Variants in SLC45A4 observed in about 807,000 individuals in gnomAD.
SLC45A4 encodes the protein polyamine-transporter SLC45A4.
In SLC45A4, 32 loss-of-function variants were observed where a neutral mutation model predicts 63.7. The ratio of observed to expected loss-of-function variants is 0.50; its 90% confidence interval spans 0.38 to 0.67. The LOEUF is 0.67. SLC45A4 is among the 30% of genes least tolerant of loss of function. The pLI, the probability that SLC45A4 is intolerant of heterozygous loss-of-function variation, is 0.00. For synonymous variants in SLC45A4, 535 were observed against 510.0 expected (o/e 1.05, Z -0.66); for missense variants, 1,027 against 1,157.7 (o/e 0.89, Z 1.64).
chr8:141,232,329 C>T (rs554582091), intron 2 of SLC45A4, among the ~76,000 whole-genome samples: 1 of 152,374 alleles, frequency 6.6e-6, no homozygotes, highest in East Asian at 1.9e-4. Context: ...ATGTCCCCTT[C>T]AGCTATAAGC....
intron 7 of SLC45A4, among the ~76,000 whole-genome samples, chr8:141,214,364 G>A (rs1047564968): frequency 6.6e-5 from 10 of 152,262 alleles, no homozygotes; most frequent in African/African-American, 2.2e-4. Flanking sequence ...AGAAAACGGA[G>A]CTCATTAGAC....
rs146180764 is a variant in SLC45A4 at position 141,209,270 on chromosome 8, C to T, written c.*2302G>A. The T allele has an allele frequency of 4.1e-3, 618 of 152,558 alleles. 6 individuals carry two copies. The South Asian group carries it at 0.044, about 11-fold the overall frequency. 9.5% of individuals were successfully genotyped at this position (152,558 alleles called of 1,614,324 possible). A position where few individuals can be genotyped will look rare whatever the true frequency, so the allele number is the denominator to read the frequency against. On this transcript the variant is annotated 3_prime_UTR_variant, in exon 9 of 9. Transcript: ENST00000517878. Reference sequence around the variant, plus strand: ...CCCACACAAGCTGCGGGCGCAATGGCGCTTTGCAGACAAGACAGCCTGCCC... The same window carrying T: ...CCCACACAAGCTGCGGGCGCAATGGTGCTTTGCAGACAAGACAGCCTGCCC...
intron 1 of SLC45A4, among the ~76,000 whole-genome samples, chr8:141,272,422 GC>G (rs1829575848): frequency 6.6e-6 from 1 of 152,174 alleles, no homozygotes; most frequent in South Asian, 2.1e-4. Flanking sequence ...CCACATCTGT[GC>G]CAGTGCATCT....
rs1367684709 is a variant in SLC45A4, at chr8:141,208,642, T to TG, written c.*2929dup. 1 of 152,224 alleles carries TG rather than the reference T, an allele frequency of 6.6e-6. No homozygotes were observed. The highest frequency in any genetic ancestry group is 6.5e-5 in the Admixed American group (1 of 15,284). The allele number at this position is 152,224 out of a possible 1,614,324, so 9.4% of individuals were successfully genotyped here. A position where few individuals can be genotyped will look rare whatever the true frequency, so the allele number is the denominator to read the frequency against. ...GTTGGAGGATTCCAGCTAAGGCCCC[T>TG]GCCTGAGAGTGAGAAAAACAACACT... is the stretch of plus-strand genomic sequence containing the variant. On this transcript the variant is annotated 3_prime_UTR_variant, in exon 9 of 9. Transcript: ENST00000517878.
At chr8:141,290,339 C>A (rs1830303318) in intron 1 of SLC45A4, among the ~76,000 whole-genome samples, 1 of 152,070 alleles carries the variant, frequency 6.6e-6, no homozygotes, top group Non-Finnish European at 1.5e-5. Flanking sequence ...CCCGGCCCTC[C>A]CACTCAGGCT....
intron 1 of SLC45A4, among the ~76,000 whole-genome samples, chr8:141,266,750 C>G (rs1829283568): frequency 6.6e-6 from 1 of 152,166 alleles, no homozygotes; most frequent in African/African-American, 2.4e-5. Context: ...AGTTCCTCCC[C>G]ACATGTATTC....
chr8:141,211,591 G>T lies in SLC45A4; in HGVS notation c.2408C>A (p.Ser803Tyr). Reference sequence around the variant, plus strand: ...ATTCTTCTAAGAGAACCACATTGTGGAAAAGAAAATTTTTTTTCTAAAATA... The same window carrying T: ...ATTCTTCTAAGAGAACCACATTGTGTAAAAGAAAATTTTTTTTCTAAAATA... Reference protein sequence around the residue: ...YDYFRKKIFFSTMWFS With the variant: ...YDYFRKKIFFYTMWFS Residue 803 changes from serine to tyrosine, a missense_variant, in exon 9 of 9, where the codon TCC becomes TAC. Coordinates refer to ENST00000517878, the MANE Select transcript of SLC45A4 (RefSeq NM_001286646.2). The T allele has an allele frequency of 6.2e-7, 1 of 1,612,630 alleles. No individual in the cohort carries two copies. Among genetic ancestry groups the T allele is most frequent in the Non-Finnish European group, 8.5e-7 (1 of 1,179,828 alleles).
chr8:141,248,727 C>A (rs1213407236), intron 2 of SLC45A4, among the ~76,000 whole-genome samples: 1 of 151,900 alleles, frequency 6.6e-6, no homozygotes, highest in African/African-American at 2.4e-5. Flanking sequence ...TATAAAAAAA[C>A]AAAACAGGCT....
intron 1 of SLC45A4, among the ~76,000 whole-genome samples, chr8:141,261,785 A>G (rs1829047469): frequency 6.6e-6 from 1 of 152,242 alleles, no homozygotes; most frequent in South Asian, 2.1e-4. Context: ...TATCATGAAA[A>G]TGGCCACACT....
chr8:141,212,558 T>C lies in SLC45A4; in HGVS notation c.1942-2A>G. 1.3e-6 allele frequency: 2 copies of C among 1,593,786 alleles called. No homozygotes were observed. The highest frequency in any genetic ancestry group is 8.6e-7 in the Non-Finnish European group (1 of 1,168,122). Reference sequence around the variant, plus strand: ...GTTCCCGGGGCTGTGGTGGATGTACTGCAAGAGAGGAAACACGAGGCGGTG... The same window carrying C: ...GTTCCCGGGGCTGTGGTGGATGTACCGCAAGAGAGGAAACACGAGGCGGTG... On this transcript the variant is annotated splice_acceptor_variant, in intron 7 of 8. Coordinates refer to ENST00000517878, the MANE Select transcript of SLC45A4 (RefSeq NM_001286646.2). LOFTEE classifies it high-confidence loss of function.
intron 2 of SLC45A4, among the ~76,000 whole-genome samples, chr8:141,244,115 C>T (rs935431242): frequency 5.9e-5 from 9 of 152,150 alleles, no homozygotes; most frequent in South Asian, 2.1e-4. Context: ...TGGGAGACTG[C>T]GCCCCTATTC....
intron 1 of SLC45A4, among the ~76,000 whole-genome samples, chr8:141,288,489 C>A (rs1412660599): frequency 6.6e-6 from 1 of 152,252 alleles, no homozygotes; most frequent in Non-Finnish European, 1.5e-5. Flanking sequence ...GGGGACCACG[C>A]CTGGTTGGAC....
chr8:141,283,543 T>C (rs1830036572), intron 1 of SLC45A4, among the ~76,000 whole-genome samples: 1 of 152,174 alleles, frequency 6.6e-6, no homozygotes, highest in African/African-American at 2.4e-5. Flanking sequence ...TCAACATCGG[T>C]GTCACCCCCG....
At chr8:141,258,059 CCTTTTT>C (rs1294386808) in intron 1 of SLC45A4, among the ~76,000 whole-genome samples, 2 of 114,734 alleles carry the variant, frequency 1.7e-5, no homozygotes, top group East Asian at 3.0e-4. Flanking sequence ...GTTTCTTCTT[CCTTTTT>C]TTTTTTTTTT....
intron 1 of SLC45A4, among the ~76,000 whole-genome samples, chr8:141,287,485 C>T (rs533624163): frequency 5.5e-4 from 84 of 152,332 alleles, no homozygotes; most frequent in African/African-American, 1.9e-3. Context: ...TAACCCTTCA[C>T]GGCAAGTCTG....
Position 141,213,621 on chromosome 8 carries a change from A to C in SLC45A4, c.1942-1065T>G, listed in dbSNP as rs530565350. Among the ~76,000 whole-genome samples the C allele has an allele frequency of 2.6e-5, 4 of 152,382 alleles. No individual in the cohort carries two copies. The South Asian group carries it at 8.3e-4, about 32-fold the overall frequency. On this transcript the variant is annotated intron_variant, in intron 7 of 8. Transcript: ENST00000517878. ...AAATGCAAATATTAGCCTGGAAATC[A>C]GACTAAGAAATGAGCAACAGCAAAT...
intron 1 of SLC45A4, among the ~76,000 whole-genome samples, chr8:141,272,216 G>A (rs1173664871): frequency 6.6e-6 from 1 of 152,258 alleles, no homozygotes; most frequent in East Asian, 1.9e-4. Flanking sequence ...ATTCTAATCA[G>A]AGAAATTCAT....
In SLC45A4 at chr8:141,228,032, G is replaced by A. The variant is rs1169051935; in HGVS notation, c.242-6267C>T. ...TGAAACTTGAAACCCAGGACCCAGC[G>A]CCTCATTTCTAGAGGGTGAGGCAGA... On this transcript the variant is annotated intron_variant, in intron 2 of 8. Transcript: ENST00000517878. The A allele has an allele frequency of 3.4e-5, 31 of 905,104 alleles. 1 individual carries two copies. Among genetic ancestry groups the A allele is most frequent in the Middle Eastern group, 3.2e-4 (1 of 3,108 alleles). 56.1% of individuals were successfully genotyped at this position (905,104 alleles called of 1,614,324 possible).
chr8:141,236,127 T>C (rs922205703), intron 2 of SLC45A4, among the ~76,000 whole-genome samples: 2 of 152,078 alleles, frequency 1.3e-5, no homozygotes, highest in Middle Eastern at 3.4e-3. Flanking sequence ...AAAACAAACA[T>C]GAGAGTGAGT....
Sources: allele counts gnomAD v4.1 joint callset (sites outside exome capture counted in the v4.1 genomes callset), GRCh38; gene constraint gnomAD v4.1.1; transcripts MANE v1.5; gene names NCBI Gene and HGNC (gene_info 2026-07-23, HGNC 2026-07-21).